FCRL3: variants seen among roughly 807,000 people sequenced by gnomAD.
The protein encoded by FCRL3 is Fc receptor-like protein 3.
FCRL3 carries 89 observed loss-of-function variants against 75.0 expected under a neutral mutation model. The ratio of observed to expected loss-of-function variants is 1.19; its 90% CI spans 1.00 to 1.42. The LOEUF is 1.42. FCRL3 is among the 40% of genes most tolerant of loss of function. The probability of loss-of-function intolerance (pLI) is 0.00; values close to 1 mark genes in which losing one functional copy is unlikely to be tolerated. For missense variants in FCRL3, 946 were observed against 880.0 expected (o/e 1.07, Z -0.95); for synonymous variants, 376 against 348.5 (o/e 1.08, Z -0.88).
In FCRL3 at chr1:157,690,382, C is replaced by T. The variant is rs772982173; in HGVS notation, c.1563G>A (p.Ser521=). 6.8e-6 allele frequency: 11 copies of T among 1,614,030 alleles called. No homozygotes were observed. The African/African-American group carries it at 9.3e-5, about 14-fold the overall frequency. ...AGGATGCCCCTCCTCCAGAGTGGGCCGAGATGTTCCCCAAGGTGTCATCCT... is the reference window on the plus strand; with the variant it reads ...AGGATGCCCCTCCTCCAGAGTGGGCTGAGATGTTCCCCAAGGTGTCATCCT... ...YHEDDTLGNI[S]AHSGGGASFN... The change falls in exon 9 of 15, where the codon TCG becomes TCA. Residue 521 remains serine (S), a synonymous_variant. Transcript: ENST00000368184.
intron 11 of FCRL3, among the ~76,000 whole-genome samples, chr1:157,681,886 A>G (rs1241081686): frequency 4.6e-5 from 7 of 152,018 alleles, no homozygotes; most frequent in Admixed American, 3.9e-4. Flanking sequence ...CTATTTCTCC[A>G]CATCTTCTCC....
At chr1:157,690,801 G>A (rs554466465) in intron 8 of FCRL3, among the ~76,000 whole-genome samples, 8 of 152,108 alleles carry the variant, frequency 5.3e-5, no homozygotes, top group African/African-American at 1.9e-4. Context: ...AAATCATATT[G>A]CATGTAAAGT....
At position 157,697,147 on chromosome 1, in the gene FCRL3, A is replaced by C. The variant is rs1271197130; in HGVS notation, c.837T>G (p.Arg279=). Residue 279 remains arginine (R), a synonymous_variant, in exon 6 of 15, where the codon CGT becomes CGG. Coordinates refer to ENST00000368184, the MANE Select transcript of FCRL3 (RefSeq NM_052939.4). ...IKKRSLRSQI[R]VQRVPVSNVN... is the part of the protein sequence containing the mutation. ...AGCCCCTTAGACACTCACTCTGTAC[A>C]CGTATCTGAGATCTCAGGCTCCTTT... 1 of 1,503,510 alleles carries C rather than the reference A, an allele frequency of 6.7e-7. No individual in the cohort carries two copies. The highest frequency in any genetic ancestry group is 1.4e-5 in the African/African-American group (1 of 71,224). The allele number at this position is 1,503,510 out of a possible 1,614,324, so 93.1% of individuals were successfully genotyped here.
At position 157,695,565 on chromosome 1, in the gene FCRL3, G is replaced by T. The variant is rs774313926; in HGVS notation, c.1175C>A (p.Ala392Asp). 7 of 1,613,656 alleles carry T rather than the reference G, an allele frequency of 4.3e-6. No individual in the cohort carries two copies. The East Asian group carries it at 1.6e-4, about 36-fold the overall frequency. ...HPVLTFRAPR[A>D]HTVVGDLLEL... ...CAGCAGGTCCCCCACCACAGTGTGG[G>T]CCCTGGGAGCCCTGAAGGTGAGGAC... The change falls in exon 8 of 15, where the codon GCC (alanine) becomes GAC (aspartate). Residue 392 changes from alanine to aspartate, a missense_variant. By Grantham distance (126) the Ala-to-Asp change is moderately radical. Transcript: ENST00000368184.
rs1654614383 is a variant in FCRL3, at chr1:157,678,608, C to T, written c.*102G>A. ...AGCCTCACATACCCTGCAGCCCAGC[C>T]TCGTAGGAGGCAGAGTCTGGAGAGA... On this transcript the variant is annotated 3_prime_UTR_variant, in exon 15 of 15. Coordinates refer to ENST00000368184, the MANE Select transcript of FCRL3 (RefSeq NM_052939.4). The T allele has an allele frequency of 6.4e-7, 1 of 1,556,732 alleles. No individual in the cohort carries two copies. Among genetic ancestry groups the T allele is most frequent in the Non-Finnish European group, 8.6e-7 (1 of 1,159,588 alleles).
chr1:157,684,361 A>C (rs916338896), intron 10 of FCRL3, among the ~76,000 whole-genome samples: 2 of 152,160 alleles, frequency 1.3e-5, no homozygotes, highest in Non-Finnish European at 2.9e-5. Context: ...GACTCTCATG[A>C]AAAATAACTG....
intron 11 of FCRL3, among the ~76,000 whole-genome samples, chr1:157,682,019 T>C (rs1205248919): frequency 6.6e-6 from 1 of 151,810 alleles, no homozygotes; most frequent in Non-Finnish European, 1.5e-5. Context: ...TTTCATGTGT[T>C]TTTTGGCTGC....
rs774263008 is a variant in FCRL3 at position 157,697,767 on chromosome 1, C to T, written c.451G>A (p.Val151Met). ...CTATTATCCCTGGAGACTGAATTCACTGTGATCTTCTCTAAATTATAACTA... is the reference window on the plus strand; with the variant it reads ...CTATTATCCCTGGAGACTGAATTCATTGTGATCTTCTCTAAATTATAACTA... ...PNSYNLEKIT[V>M]NSVSRDNSKY... is the part of the protein sequence containing the mutation. The change falls in exon 5 of 15, where the codon GTG (valine) becomes ATG (methionine). Residue 151 changes from valine to methionine, a missense_variant. Physicochemically the swap from Val to Met is conservative, Grantham distance 21. Coordinates refer to ENST00000368184, the MANE Select transcript of FCRL3 (RefSeq NM_052939.4). The T allele has an allele frequency of 1.2e-6, 2 of 1,614,154 alleles. No homozygotes were observed. Among genetic ancestry groups the T allele is most frequent in the African/African-American group, 1.3e-5 (1 of 75,066 alleles).
intron 6 of FCRL3, 39 bp downstream of exon 6, chr1:157,697,101 C>A: frequency 7.1e-7 from 1 of 1,398,864 alleles, no homozygotes; most frequent in South Asian, 2.1e-5. Context: ...TTCCTCTCCC[C>A]AGCTCTGACT....
At chr1:157,697,450 C>T (rs762012791) in intron 5 of FCRL3, 26 bp from the exon 6 acceptor site, 2 of 1,526,780 alleles carry the variant, frequency 1.3e-6, no homozygotes, top group East Asian at 2.3e-5. Flanking sequence ...AACATAGTCT[C>T]CAGGGTGGTG....
chr1:157,679,115 C>A (rs1654656067), intron 13 of FCRL3, 142 bp from the exon 14 acceptor site: 2 of 930,652 alleles, frequency 2.1e-6, no homozygotes, highest in South Asian at 3.1e-5. Context: ...CTTCCAAACC[C>A]ACATAGAAAA....
intron 2 of FCRL3, 26 bp from the exon 3 acceptor site, chr1:157,699,738 C>T: frequency 6.2e-7 from 1 of 1,612,254 alleles, no homozygotes; most frequent in African/African-American, 1.3e-5. Context: ...AAATGACAAT[C>T]AGACACTCTC....
At position 157,700,492 on chromosome 1, in the gene FCRL3, G is replaced by A. The variant is rs1656249652; in HGVS notation, c.-3C>T. On this transcript the variant is annotated 5_prime_UTR_variant, in exon 2 of 15. Coordinates refer to ENST00000368184, the MANE Select transcript of FCRL3 (RefSeq NM_052939.4). ...AGCAGCAGCAGCCACAGAAGCATGG[G>A]CACCGGCCGGGCAGAGGGTTGGGAA... is the stretch of plus-strand genomic sequence containing the variant. 2 of 1,614,076 alleles carry A rather than the reference G, an allele frequency of 1.2e-6. No individual in the cohort carries two copies. The highest frequency in any genetic ancestry group is 1.1e-5 in the South Asian group (1 of 91,080).
intron 3 of FCRL3, 123 bp from the exon 4 acceptor site, chr1:157,698,752 AAAATTGAGCAG>A: frequency 1.1e-6 from 1 of 931,630 alleles, no homozygotes; most frequent in Non-Finnish European, 1.6e-6. Flanking sequence ...ACCAGGGTGG[AAAATTGAGCAG>A]AAATAACCTA....
intron 2 of FCRL3, among the ~76,000 whole-genome samples, chr1:157,700,184 G>A (rs553391376): frequency 2.5e-4 from 38 of 152,276 alleles, no homozygotes; most frequent in African/African-American, 7.5e-4. Context: ...AGGGAGGGTG[G>A]GATATAGAGT....
intron 10 of FCRL3, among the ~76,000 whole-genome samples, chr1:157,685,452 C>CA (rs953063124): frequency 2.4e-4 from 36 of 152,106 alleles, no homozygotes; most frequent in African/African-American, 8.4e-4. Flanking sequence ...TCTTGATCTA[C>CA]AAAAAAACCT....
At chr1:157,686,519 C>T (rs149576918) in intron 10 of FCRL3, among the ~76,000 whole-genome samples, 3 of 152,218 alleles carry the variant, frequency 2.0e-5, no homozygotes, top group East Asian at 1.9e-4. Flanking sequence ...GAAGGCATCA[C>T]ACCTCACAAC....
At chr1:157,699,331 A>T (rs1164955905) in intron 3 of FCRL3, among the ~76,000 whole-genome samples, 2 of 152,062 alleles carry the variant, frequency 1.3e-5, no homozygotes, top group Admixed American at 6.6e-5. Flanking sequence ...CGTGGATGGG[A>T]TCTATTTCTA....
chr1:157,679,250 C>T (rs1237393832), intron 13 of FCRL3: 2 of 503,648 alleles, frequency 4.0e-6, no homozygotes, highest in Admixed American at 3.3e-5. Context: ...TTTCCTCTGC[C>T]CACCAAATGC....
Sources: gnomAD v4.1 joint callset for allele counts (sites outside exome capture counted in the v4.1 genomes callset) on GRCh38, gnomAD v4.1.1 for gene constraint, MANE v1.5 for transcripts, NCBI Gene and HGNC (gene_info 2026-07-23, HGNC 2026-07-21) for gene names.